Variants in STON2 observed in about 807,000 individuals in gnomAD.
The protein encoded by STON2 is stonin-2.
In STON2, 29 loss-of-function variants were observed where a neutral mutation model predicts 65.7. That is an observed-to-expected ratio of 0.44 (90% CI 0.33 to 0.60). STON2 has a LOEUF of 0.60. STON2 is among the 20% of genes least tolerant of loss of function. The pLI is 0.03. For synonymous variants in STON2, 404 were observed against 414.2 expected (o/e 0.98, Z 0.30); for missense variants, 1,054 against 1,118.1 (o/e 0.94, Z 0.82).
At chr14:81,379,620 A>G (rs1899418339) in intron 3 of STON2, among the ~76,000 whole-genome samples, 1 of 152,186 alleles carries the variant, frequency 6.6e-6, no homozygotes, top group South Asian at 2.1e-4. Flanking sequence ...CAATAATTAA[A>G]ACTGCATGGT....
chr14:81,422,299 T>C (rs1341203942), intron 2 of STON2, among the ~76,000 whole-genome samples: 2 of 152,158 alleles, frequency 1.3e-5, no homozygotes, highest in African/African-American at 4.8e-5. Context: ...CTCCTTTTTC[T>C]CTTGTTTCTG....
At position 81,278,756 on chromosome 14, in the gene STON2, A is replaced by G. The variant is rs747402142; in HGVS notation, c.743-17T>C. 1.3e-6 allele frequency: 2 copies of G among 1,506,076 alleles called. No individual in the cohort carries two copies. Among genetic ancestry groups the G allele is most frequent in the Non-Finnish European group, 8.8e-7 (1 of 1,131,682 alleles). 93.3% of individuals were successfully genotyped at this position (1,506,076 alleles called of 1,614,324 possible). A position where few individuals can be genotyped will look rare whatever the true frequency, so the allele number is the denominator to read the frequency against. ...AGGAATTGTCTAAAAGGAAAAGGAG[A>G]ACATATGAGCTACTGTTCAGGGGCT... is the stretch of plus-strand genomic sequence containing the variant. On this transcript the variant is annotated splice_polypyrimidine_tract_variant and intron_variant, in intron 5 of 7. Coordinates refer to ENST00000614646, the MANE Select transcript of STON2 (RefSeq NM_001394390.1).
Position 81,277,450 on chromosome 14 carries a change from T to G in STON2, c.2032A>C (p.Lys678Gln). 6.2e-7 allele frequency: 1 copy of G among 1,614,142 alleles called. No homozygotes were observed. The highest frequency in any genetic ancestry group is 8.5e-7 in the Non-Finnish European group (1 of 1,180,024). Residue 678 changes from lysine (K) to glutamine (Q), a missense_variant, in exon 6 of 8, where the codon AAA becomes CAA. By Grantham distance (53) the Lys-to-Gln change is moderately conservative. Coordinates refer to ENST00000614646, the MANE Select transcript of STON2 (RefSeq NM_001394390.1). ...CRLGLNDILV[K>Q]GNEIVLRQDI... ...TGCCTCAAAACTATTTCATTCCCTTTGACGAGGATGTCATTGAGGCCCAGG... is the reference window on the plus strand; with the variant it reads ...TGCCTCAAAACTATTTCATTCCCTTGGACGAGGATGTCATTGAGGCCCAGG...
Position 81,398,436 on chromosome 14 carries a change from T to C in STON2, c.-54A>G. 7.0e-7 allele frequency: 1 copy of C among 1,419,160 alleles called. No homozygotes were observed. The highest frequency in any genetic ancestry group is 1.0e-6 in the Non-Finnish European group (1 of 1,003,324). 87.9% of individuals were successfully genotyped at this position (1,419,160 alleles called of 1,614,324 possible). On this transcript the variant is annotated 5_prime_UTR_variant, in exon 2 of 8. Transcript: ENST00000614646. The stretch of plus-strand genomic sequence containing the variant: ...TGCTGACCTCAGGTGAACCCCAGAA[T>C]ACTGTCTGGGGTGGGCTGGAGTAGG...
intron 3 of STON2, among the ~76,000 whole-genome samples, chr14:81,376,891 G>C (rs1899277698): frequency 6.6e-6 from 1 of 152,088 alleles, no homozygotes; most frequent in Non-Finnish European, 1.5e-5. Flanking sequence ...GAAACTTCTT[G>C]TACATTTTTT....
chr14:81,275,367 C>T, intron 6 of STON2, among the ~76,000 whole-genome samples: 1 of 152,114 alleles, frequency 6.6e-6, no homozygotes, highest in East Asian at 1.9e-4. Flanking sequence ...TACGTCACAT[C>T]ACCTTCCCGA....
At chr14:81,301,667 T>C in intron 5 of STON2, among the ~76,000 whole-genome samples, 1 of 152,302 alleles carries the variant, frequency 6.6e-6, no homozygotes, top group East Asian at 1.9e-4. Context: ...ATACATCTGG[T>C]TGGGATGCCA....
intron 4 of STON2, among the ~76,000 whole-genome samples, chr14:81,353,207 A>G (rs1898092486): frequency 6.6e-6 from 1 of 152,236 alleles, no homozygotes; most frequent in South Asian, 2.1e-4. Flanking sequence ...ATTTGAAAAC[A>G]TGGGGAAAAG....
chr14:81,294,371 G>C (rs79090993), intron 5 of STON2, among the ~76,000 whole-genome samples: 1,753 of 152,258 alleles, frequency 0.012, 44 homozygotes, highest in African/African-American at 0.041. Context: ...AAACAGGTGG[G>C]AAGCAGACAG....
At chr14:81,294,891 T>A (rs968810997) in intron 5 of STON2, among the ~76,000 whole-genome samples, 16 of 152,218 alleles carry the variant, frequency 1.1e-4, no homozygotes, top group Non-Finnish European at 1.8e-4. Flanking sequence ...CTTCTAAACA[T>A]TCAAAAGTGC....
upstream of STON2, among the ~76,000 whole-genome samples, chr14:81,401,860 C>A (rs895366947): frequency 6.6e-6 from 1 of 152,016 alleles, no homozygotes; most frequent in Non-Finnish European, 1.5e-5. Context: ...CACAGTTTAG[C>A]CGTAGGGAGA....
chr14:81,295,969 A>G (rs1482897984), intron 5 of STON2, among the ~76,000 whole-genome samples: 5 of 152,220 alleles, frequency 3.3e-5, no homozygotes, highest in Admixed American at 1.3e-4. Context: ...CTCTATGTAC[A>G]CATTCATAAA....
At chr14:81,370,604 C>G (rs1183613022) in intron 4 of STON2, among the ~76,000 whole-genome samples, 2 of 152,204 alleles carry the variant, frequency 1.3e-5, no homozygotes, top group African/African-American at 4.8e-5. Flanking sequence ...ATCTACCTCC[C>G]TCTTATTGAA....
At chr14:81,291,195 C>T (rs747494266) in intron 5 of STON2, among the ~76,000 whole-genome samples, 1 of 152,002 alleles carries the variant, frequency 6.6e-6, no homozygotes, top group Non-Finnish European at 1.5e-5. Flanking sequence ...GTAATTATTG[C>T]AGAGATAAAC....
At chr14:81,428,329 C>T (rs1050923712) in intron 1 of STON2, among the ~76,000 whole-genome samples, 2 of 152,192 alleles carry the variant, frequency 1.3e-5, no homozygotes, top group African/African-American at 2.4e-5. Flanking sequence ...ACATAATAGA[C>T]GACATTTAAA....
At chr14:81,390,203 A>G (rs1900013803) in intron 3 of STON2, among the ~76,000 whole-genome samples, 1 of 152,056 alleles carries the variant, frequency 6.6e-6, no homozygotes, top group Admixed American at 6.6e-5. Flanking sequence ...CAAAAAAAAA[A>G]AAAAAGAAAA....
At chr14:81,346,670 G>A (rs540234358) in intron 4 of STON2, among the ~76,000 whole-genome samples, 1 of 152,242 alleles carries the variant, frequency 6.6e-6, no homozygotes, top group East Asian at 1.9e-4. Context: ...TAGACCCTAT[G>A]TTAGACCACA....
intron 4 of STON2, among the ~76,000 whole-genome samples, chr14:81,359,099 G>T (rs1006525799): frequency 6.6e-6 from 1 of 152,122 alleles, no homozygotes; most frequent in Non-Finnish European, 1.5e-5. Flanking sequence ...TTCTTCTCAA[G>T]TGCATCCAGA....
chr14:81,342,627 G>A (rs1026457304), intron 4 of STON2, among the ~76,000 whole-genome samples: 18 of 152,096 alleles, frequency 1.2e-4, no homozygotes, highest in African/African-American at 3.4e-4. Context: ...CTCTATTCCC[G>A]GTCCCCATAA....
Sources: allele counts gnomAD v4.1 joint callset (sites outside exome capture counted in the v4.1 genomes callset), GRCh38; gene constraint gnomAD v4.1.1; transcripts MANE v1.5; gene names NCBI Gene and HGNC (gene_info 2026-07-23, HGNC 2026-07-21).